SMIM30: variants seen among roughly 807,000 people sequenced by gnomAD.
SMIM30 encodes the protein small integral membrane protein 30.
For missense variants in SMIM30, 43 were observed against 27.6 expected, an observed-to-expected ratio of 1.56 and a Z score of -1.25; for synonymous variants, 19 against 11.5, an observed-to-expected ratio of 1.65 and a Z score of -1.31.
intron 2 of SMIM30, chr7:113,117,838 C>T: frequency 2.1e-6 from 1 of 478,598 alleles, no homozygotes; most frequent in Admixed American, 3.3e-5. Context: ...GAATTTTCCA[C>T]GATAATGCCA....
At position 113,118,520 on chromosome 7, in the gene SMIM30, T is replaced by G. The variant is rs1346536267; in HGVS notation, c.-124+8A>C. 2 of 456,036 alleles carry G rather than the reference T, an allele frequency of 4.4e-6. No individual in the cohort carries two copies. Among genetic ancestry groups the G allele is most frequent in the East Asian group, 1.4e-4 (2 of 14,390 alleles). The allele number at this position is 456,036 out of a possible 1,614,324, so 28.2% of individuals were successfully genotyped here. On this transcript the variant is annotated splice_region_variant and intron_variant, in intron 1 of 2. Coordinates refer to ENST00000397764, the MANE Select transcript of SMIM30 (RefSeq NM_001352688.2). ...TAAGTATCCTTTGGAGACGAGTTCG[T>G]ACATTACCTTCTAGGAAGCAGCCAT...
rs761851604 is a variant in SMIM30 at position 113,117,179 on chromosome 7, A to C, written c.*220T>G. 6.1e-6 allele frequency: 3 copies of C among 493,944 alleles called. No individual in the cohort carries two copies. Among genetic ancestry groups the C allele is most frequent in the Non-Finnish European group, 1.1e-5 (3 of 274,358 alleles). The allele number at this position is 493,944 out of a possible 1,614,324, so 30.6% of individuals were successfully genotyped here. On this transcript the variant is annotated 3_prime_UTR_variant, in exon 3 of 3. Transcript: ENST00000397764. ...TTACTTCTTTGACTACCTAACTAGC[A>C]AATTATAGGCTGCATTTTTCTGTGC...
Position 113,117,263 on chromosome 7 carries a change from T to C in SMIM30, c.*136A>G, listed in dbSNP as rs115770585. On this transcript the variant is annotated 3_prime_UTR_variant, in exon 3 of 3. Coordinates refer to ENST00000397764, the MANE Select transcript of SMIM30 (RefSeq NM_001352688.2). ...ATTTATAAATGTATGTTTGTTGCCA[T>C]TTCATGGAAACAATGAAAAATGTGA... The C allele has an allele frequency of 2.0e-3, 1,210 of 599,500 alleles. 18 individuals are homozygous for C. The African/African-American group carries it at 0.021, about 10-fold the overall frequency. The allele number at this position is 599,500 out of a possible 1,614,324, so 37.1% of individuals were successfully genotyped here.
intron 1 of SMIM30, 135 bp downstream of exon 1, chr7:113,118,393 A>C (rs748423812): frequency 6.6e-6 from 3 of 455,182 alleles, no homozygotes; most frequent in South Asian, 4.6e-5. Flanking sequence ...GAACAGAGAT[A>C]ATTTCATTTC....
At position 113,117,316 on chromosome 7, in the gene SMIM30, C is replaced by A. The variant is rs567989901; in HGVS notation, c.*83G>T. Reference sequence around the variant, plus strand: ...CTCCCTTATTTACTGATTCTTGGAACCTTTCACACACCAAATCTCAGGTTT... The same window carrying A: ...CTCCCTTATTTACTGATTCTTGGAAACTTTCACACACCAAATCTCAGGTTT... On this transcript the variant is annotated 3_prime_UTR_variant, in exon 3 of 3. Transcript: ENST00000397764. The A allele has an allele frequency of 1.2e-5, 8 of 676,774 alleles. No homozygotes were observed. The highest frequency in any genetic ancestry group is 1.9e-5 in the Non-Finnish European group (7 of 368,542). 41.9% of individuals were successfully genotyped at this position (676,774 alleles called of 1,614,324 possible).
Position 113,117,292 on chromosome 7 carries a change from T to A in SMIM30, c.*107A>T. On this transcript the variant is annotated 3_prime_UTR_variant, in exon 3 of 3. Coordinates refer to ENST00000397764, the MANE Select transcript of SMIM30 (RefSeq NM_001352688.2). ...ATGGAAACAATGAAAAATGTGAAAC[T>A]CCCTTATTTACTGATTCTTGGAACC... is the stretch of plus-strand genomic sequence containing the variant. 1 of 616,848 alleles carries A rather than the reference T, an allele frequency of 1.6e-6. No homozygotes were observed. The highest frequency in any genetic ancestry group is 2.9e-6 in the Non-Finnish European group (1 of 342,440). The allele number at this position is 616,848 out of a possible 1,614,324, so 38.2% of individuals were successfully genotyped here.
At chr7:113,117,695 C>T in intron 2 of SMIM30, 88 bp from the exon 3 acceptor site, 1 of 677,744 alleles carries the variant, frequency 1.5e-6, no homozygotes. Context: ...AATAACAGGC[C>T]AGCCAATCTT....
chr7:113,118,034 C>A, intron 2 of SMIM30, 34 bp downstream of exon 2: 2 of 445,842 alleles, frequency 4.5e-6, no homozygotes, highest in Non-Finnish European at 8.9e-6. Flanking sequence ...CAACATATAA[C>A]TCTGCGAAGT....
At position 113,116,837 on chromosome 7, in the gene SMIM30, AGTTT is replaced by A. The variant is rs1293397050; in HGVS notation, c.*558_*561del. 5 of 135,168 alleles carry A rather than the reference AGTTT, an allele frequency of 3.7e-5. No homozygotes were observed. The East Asian group carries it at 9.8e-4, about 26-fold the overall frequency. The allele number at this position is 135,168 out of a possible 1,614,324, so 8.4% of individuals were successfully genotyped here. ...ATCTCTTTTCCATGTCAATGTCTAT[AGTTT>A]TTTTTTAACATTAAATTTTTTTCCG... On this transcript the variant is annotated 3_prime_UTR_variant, in exon 3 of 3. Coordinates refer to ENST00000397764, the MANE Select transcript of SMIM30 (RefSeq NM_001352688.2).
chr7:113,117,769 C>A lies in SMIM30; in HGVS notation c.-29-162G>T, dbSNP rs1199321397. 2.4e-5 allele frequency: 14 copies of A among 586,798 alleles called. No individual in the cohort carries two copies. The Admixed American group carries it at 3.5e-4, about 14-fold the overall frequency. 36.3% of individuals were successfully genotyped at this position (586,798 alleles called of 1,614,324 possible). ...TCTTATAGGTGGAAAAACAGAGGGA[C>A]GTTAAAGACAGTAATTTGAGGTTCA... On this transcript the variant is annotated intron_variant, in intron 2 of 2. Coordinates refer to ENST00000397764, the MANE Select transcript of SMIM30 (RefSeq NM_001352688.2).
At position 113,117,385 on chromosome 7, in the gene SMIM30, T is replaced by C. The variant is rs1273842489; in HGVS notation, c.*14A>G. On this transcript the variant is annotated 3_prime_UTR_variant, in exon 3 of 3. Transcript: ENST00000397764. ...GTTTTCAGGGTGAGGTTTGACTCAG[T>C]AGGCCTTTCAAAGTCACATCTGTCC... 7 of 702,750 alleles carry C rather than the reference T, an allele frequency of 1.0e-5. No individual in the cohort carries two copies. Among genetic ancestry groups the C allele is most frequent in the African/African-American group, 3.5e-5 (2 of 57,242 alleles). The allele number at this position is 702,750 out of a possible 1,614,324, so 43.5% of individuals were successfully genotyped here.
intron 2 of SMIM30, 65 bp downstream of exon 2, chr7:113,118,003 A>C (rs1357156647): frequency 5.0e-6 from 2 of 403,780 alleles, no homozygotes; most frequent in African/African-American, 4.2e-5. Flanking sequence ...AGAAATGCAG[A>C]CAAATTTGGC....
chr7:113,117,399 T>C lies in SMIM30; in HGVS notation c.180A>G (p.Ter60TrpextTer2), dbSNP rs1239341176. Residue 60 changes from the stop codon to tryptophan (W), a stop_lost, in exon 3 of 3, where the codon TGA becomes TGG. Transcript: ENST00000397764. ...GTTTGACTCAGTAGGCCTTTCAAAGTCACATCTGTCCATTTCTTTTTCGTG... is the reference window on the plus strand; with the variant it reads ...GTTTGACTCAGTAGGCCTTTCAAAGCCACATCTGTCCATTTCTTTTTCGTG... ...VYARKRNGQM[*>W] 1 of 702,858 alleles carries C rather than the reference T, an allele frequency of 1.4e-6. No individual in the cohort carries two copies. Among genetic ancestry groups the C allele is most frequent in the Non-Finnish European group, 2.6e-6 (1 of 384,844 alleles). The allele number at this position is 702,858 out of a possible 1,614,324, so 43.5% of individuals were successfully genotyped here. A position where few individuals can be genotyped will look rare whatever the true frequency, so the allele number is the denominator to read the frequency against.
rs1563004735 is a variant in SMIM30 at position 113,116,800 on chromosome 7, T to TC, written c.*598dup. The TC allele has an allele frequency of 6.6e-6, 1 of 152,412 alleles. No individual in the cohort carries two copies. Among genetic ancestry groups the TC allele is most frequent in the African/African-American group, 2.4e-5 (1 of 41,428 alleles). 9.4% of individuals were successfully genotyped at this position (152,412 alleles called of 1,614,324 possible). ...TACTCAGTTAATATAAAGTTTTTTT[T>TC]CAAAACATTAAATCTCTTTTCCATG... is the stretch of plus-strand genomic sequence containing the variant. On this transcript the variant is annotated 3_prime_UTR_variant, in exon 3 of 3. Coordinates refer to ENST00000397764, the MANE Select transcript of SMIM30 (RefSeq NM_001352688.2).
In SMIM30 at chr7:113,116,819, T is replaced by C. The variant is rs535303948; in HGVS notation, c.*580A>G. ...TTTTTTTCAAAACATTAAATCTCTT[T>C]TCCATGTCAATGTCTATAGTTTTTT... On this transcript the variant is annotated 3_prime_UTR_variant, in exon 3 of 3. Transcript: ENST00000397764. 1 of 151,436 alleles carries C rather than the reference T, an allele frequency of 6.6e-6. No homozygotes were observed. The highest frequency in any genetic ancestry group is 2.1e-4 in the South Asian group (1 of 4,782). 9.4% of individuals were successfully genotyped at this position (151,436 alleles called of 1,614,324 possible).
At chr7:113,118,415 T>C (rs1482921753) in intron 1 of SMIM30, 113 bp downstream of exon 1, 1 of 455,596 alleles carries the variant, frequency 2.2e-6, no homozygotes, top group Non-Finnish European at 4.4e-6. Flanking sequence ...GGACTTGATA[T>C]TAAGATTTGA....
At chr7:113,118,202 G>T in intron 1 of SMIM30, 41 bp from the exon 2 acceptor site, 1 of 428,612 alleles carries the variant, frequency 2.3e-6, no homozygotes, top group Non-Finnish European at 4.6e-6. Context: ...CGGAGAGAAG[G>T]ATTTAAAAAT....
rs1352444819 is a variant in SMIM30, at chr7:113,118,082, A to G, written c.-44T>C. On this transcript the variant is annotated 5_prime_UTR_variant, in exon 2 of 3. Coordinates refer to ENST00000397764, the MANE Select transcript of SMIM30 (RefSeq NM_001352688.2). ...ATAAGACTTACCAAAGAAATGGTAT[A>G]TATAGAATTCTATCTGACTTGAAAT... 1 of 453,664 alleles carries G rather than the reference A, an allele frequency of 2.2e-6. No homozygotes were observed. The highest frequency in any genetic ancestry group is 2.4e-5 in the Admixed American group (1 of 42,486). 28.1% of individuals were successfully genotyped at this position (453,664 alleles called of 1,614,324 possible). A position where few individuals can be genotyped will look rare whatever the true frequency, so the allele number is the denominator to read the frequency against.
chr7:113,117,982 T>G, intron 2 of SMIM30, 86 bp downstream of exon 2: 1 of 380,002 alleles, frequency 2.6e-6, no homozygotes, highest in Non-Finnish European at 5.1e-6. Context: ...TCTTAGGGTC[T>G]CTCCCATCCA....
Sources: gnomAD v4.1 joint callset for allele counts on GRCh38, gnomAD v4.1.1 for gene constraint, MANE v1.5 for transcripts, NCBI Gene and HGNC (gene_info 2026-07-23, HGNC 2026-07-21) for gene names.